ANKRD44: variants seen among roughly 807,000 people sequenced by gnomAD.
ANKRD44 encodes the protein serine/threonine-protein phosphatase 6 regulatory ankyrin repeat subunit B.
Under a neutral mutation model 116.0 loss-of-function variants are expected in ANKRD44, and 35 were observed. The ratio of observed to expected loss-of-function variants is 0.30; its 90% CI spans 0.23 to 0.40. ANKRD44 has a LOEUF of 0.40. ANKRD44 is among the 10% of genes least tolerant of loss of function. ANKRD44 has a pLI of 1.00. For missense variants in ANKRD44, 1,014 were observed against 1,242.6 expected, an observed-to-expected ratio of 0.82 and a Z score of 2.77; for synonymous variants, 435 against 461.8, an observed-to-expected ratio of 0.94 and a Z score of 0.74.
chr2:197,284,322 T>A (rs772071592), intron 1 of ANKRD44, among the ~76,000 whole-genome samples: 2 of 152,166 alleles, frequency 1.3e-5, no homozygotes, highest in Non-Finnish European at 2.9e-5. Flanking sequence ...AGGACATTCA[T>A]GTTCTATGAC....
chr2:197,020,563 G>A (rs1459543464), intron 17 of ANKRD44, among the ~76,000 whole-genome samples: 1 of 152,136 alleles, frequency 6.6e-6, no homozygotes. Context: ...ACAAATTTAT[G>A]TTGGGCCACA....
At chr2:197,301,155 C>G (rs977865490) in intron 1 of ANKRD44, 1 of 152,160 alleles carries the variant, frequency 6.6e-6, no homozygotes, top group Non-Finnish European at 1.5e-5. Context: ...GATTAAATCA[C>G]GTAAAGCATG....
At position 197,282,940 on chromosome 2, in the gene ANKRD44, T is replaced by C. The variant is rs746432430; in HGVS notation, c.27+27638A>G. On this transcript the variant is annotated intron_variant, in intron 1 of 27. Coordinates refer to ENST00000282272, the MANE Select transcript of ANKRD44 (RefSeq NM_001195144.2). The stretch of plus-strand genomic sequence containing the variant: ...AGTACACTGTTATGAATTTAAAATA[T>C]ACCAGCCTGTGGATTATTACTTGGC... Among the ~76,000 whole-genome samples, 6 of 152,374 alleles carry C rather than the reference T, an allele frequency of 3.9e-5. No individual in the cohort carries two copies. The East Asian group carries it at 5.8e-4, about 15-fold the overall frequency.
chr2:197,088,589 T>G, intron 12 of ANKRD44, 122 bp downstream of exon 12: 1 of 565,620 alleles, frequency 1.8e-6, no homozygotes, highest in Non-Finnish European at 2.9e-6. Flanking sequence ...TGATATTTGA[T>G]AATTAGTAGA....
At chr2:197,101,706 G>A (rs542714177) in intron 9 of ANKRD44, among the ~76,000 whole-genome samples, 3 of 152,272 alleles carry the variant, frequency 2.0e-5, no homozygotes, top group South Asian at 2.1e-4. Context: ...CAATCTGTGC[G>A]GTGATACAGG....
chr2:197,005,725 G>A lies in ANKRD44; in HGVS notation c.2316C>T (p.Gly772=), dbSNP rs779546256. The change falls in exon 21 of 28, where the codon GGC becomes GGT. Residue 772 remains glycine, a synonymous_variant. Transcript: ENST00000282272. The stretch of plus-strand genomic sequence containing the variant: ...AACAAGCCCAGTGCAGCGGCGTGTA[G>A]CCTTGGTTATCTTTGAAACAACAGT... The part of the protein sequence containing the change: ...EEDCCFKDNQ[G]YTPLHWACYN... The A allele has an allele frequency of 6.2e-7, 1 of 1,614,230 alleles. No homozygotes were observed. Among genetic ancestry groups the A allele is most frequent in the Non-Finnish European group, 8.5e-7 (1 of 1,180,042 alleles).
intron 1 of ANKRD44, among the ~76,000 whole-genome samples, chr2:197,211,802 C>T (rs186878305): frequency 2.0e-5 from 3 of 151,806 alleles, no homozygotes; most frequent in African/African-American, 7.2e-5. Context: ...TAAACCATAA[C>T]TCAGAGAAGA....
Position 197,088,791 on chromosome 2 carries a change from C to T in ANKRD44, c.1184-17G>A, listed in dbSNP as rs2077980782. 3 of 1,612,274 alleles carry T rather than the reference C, an allele frequency of 1.9e-6. No individual in the cohort carries two copies. Among genetic ancestry groups the T allele is most frequent in the African/African-American group, 1.3e-5 (1 of 74,996 alleles). On this transcript the variant is annotated splice_polypyrimidine_tract_variant and intron_variant, in intron 11 of 27. Coordinates refer to ENST00000282272, the MANE Select transcript of ANKRD44 (RefSeq NM_001195144.2). ...TTTCAAAGCCTGCAGACAGCACGTG[C>T]TCATTACTAAACAAGGATACTATGC...
chr2:197,027,855 A>T (rs1381011365), intron 16 of ANKRD44, among the ~76,000 whole-genome samples: 2 of 151,330 alleles, frequency 1.3e-5, no homozygotes, highest in South Asian at 2.1e-4. Flanking sequence ...GCTAACTTTT[A>T]AAAAAAATTT....
At chr2:197,271,635 T>C (rs1559205599) in intron 1 of ANKRD44, among the ~76,000 whole-genome samples, 1 of 152,264 alleles carries the variant, frequency 6.6e-6, no homozygotes, top group Non-Finnish European at 1.5e-5. Flanking sequence ...TTTTGTTGTT[T>C]GTTGGTTGCT....
At chr2:196,993,553 C>G in intron 27 of ANKRD44, 30 bp downstream of exon 27, 1 of 1,517,572 alleles carries the variant, frequency 6.6e-7, no homozygotes, top group Non-Finnish European at 9.0e-7. Context: ...TGGAAGGTAC[C>G]TGCAGTCGCT....
intron 16 of ANKRD44, among the ~76,000 whole-genome samples, chr2:197,027,049 A>T (rs1313678901): frequency 6.6e-6 from 1 of 151,862 alleles, no homozygotes; most frequent in Non-Finnish European, 1.5e-5. Context: ...GAAATTTGAG[A>T]TGTTTATAAA....
chr2:197,179,647 G>T (rs1226630901), intron 2 of ANKRD44, among the ~76,000 whole-genome samples: 1 of 152,154 alleles, frequency 6.6e-6, no homozygotes, highest in African/African-American at 2.4e-5. Flanking sequence ...TAGTATGTGA[G>T]GGTACAAATC....
In ANKRD44 at chr2:197,192,452, C is replaced by A. The variant is rs150548095; in HGVS notation, c.28-5346G>T. On this transcript the variant is annotated intron_variant, in intron 1 of 27. Coordinates refer to ENST00000282272, the MANE Select transcript of ANKRD44 (RefSeq NM_001195144.2). ...TAGCCAAGAAGGAAAATTTGATATT[C>A]CTAAACATCTGTCCCTCCTTGAGCA... 4.7e-3 allele frequency among the ~76,000 whole-genome samples: 712 copies of A among 152,294 alleles called. 7 individuals carry two copies. The highest frequency in any genetic ancestry group is 0.016 in the African/African-American group (657 of 41,554).
At chr2:197,178,415 G>A (rs1226332535) in intron 2 of ANKRD44, among the ~76,000 whole-genome samples, 5 of 151,838 alleles carry the variant, frequency 3.3e-5, no homozygotes, top group Non-Finnish European at 7.4e-5. Context: ...AGGCTGCAGT[G>A]AGCTATGGTC....
At chr2:197,071,806 A>G (rs1296983079) in intron 16 of ANKRD44, among the ~76,000 whole-genome samples, 1 of 152,114 alleles carries the variant, frequency 6.6e-6, no homozygotes, top group Non-Finnish European at 1.5e-5. Flanking sequence ...CTCCCACTAT[A>G]ATTGTGTATT....
At chr2:197,080,103 A>AT (rs1351649796) in intron 15 of ANKRD44, among the ~76,000 whole-genome samples, 1 of 152,238 alleles carries the variant, frequency 6.6e-6, no homozygotes, top group Non-Finnish European at 1.5e-5. Context: ...GACTCTTTAA[A>AT]TGAAATCACT....
chr2:197,224,479 A>G (rs2081655447), intron 1 of ANKRD44, among the ~76,000 whole-genome samples: 1 of 152,196 alleles, frequency 6.6e-6, no homozygotes, highest in East Asian at 1.9e-4. Context: ...ATGCTCTTCA[A>G]AAATCTAAGA....
At chr2:197,241,837 G>A (rs1238476870) in intron 1 of ANKRD44, among the ~76,000 whole-genome samples, 2 of 151,996 alleles carry the variant, frequency 1.3e-5, no homozygotes, top group Non-Finnish European at 2.9e-5. Context: ...AAGAGGAAAA[G>A]AAACTCTTTA....
Sources: allele counts gnomAD v4.1 joint callset (sites outside exome capture counted in the v4.1 genomes callset), GRCh38; gene constraint gnomAD v4.1.1; transcripts MANE v1.5; gene names NCBI Gene and HGNC (gene_info 2026-07-23, HGNC 2026-07-21).